KDM4C: variants seen among roughly 807,000 people sequenced by gnomAD.
KDM4C encodes the protein lysine-specific demethylase 4C.
KDM4C carries 81 observed loss-of-function variants against 129.3 expected under a neutral mutation model. The observed-to-expected ratio is 0.63, with a 90% CI of 0.52 to 0.75. The LOEUF is 0.75. KDM4C is among the 30% of genes least tolerant of loss of function. The pLI is 0.00. For missense variants in KDM4C, 1,457 were observed against 1,304.0 expected, an observed-to-expected ratio of 1.12 and a Z score of -1.81; for synonymous variants, 573 against 456.1, an observed-to-expected ratio of 1.26 and a Z score of -3.26.
At chr9:7,016,237 C>T (rs1187001793) in intron 15 of KDM4C, among the ~76,000 whole-genome samples, 1 of 151,968 alleles carries the variant, frequency 6.6e-6, no homozygotes, top group African/African-American at 2.4e-5. Flanking sequence ...ACACCATTCT[C>T]CTGCCTCAGC....
chr9:7,166,315 G>A (rs568549638), intron 20 of KDM4C, among the ~76,000 whole-genome samples: 7 of 152,316 alleles, frequency 4.6e-5, no homozygotes, highest in African/African-American at 1.2e-4. Flanking sequence ...AAGATACTGC[G>A]TCAGGACCTG....
chr9:6,820,390 G>A (rs1039798851), intron 4 of KDM4C, among the ~76,000 whole-genome samples: 1 of 152,166 alleles, frequency 6.6e-6, no homozygotes, highest in Non-Finnish European at 1.5e-5. Flanking sequence ...GAGCATAGGA[G>A]GGTGAGGAAA....
intron 3 of KDM4C, among the ~76,000 whole-genome samples, chr9:6,813,327 C>G (rs1831507256): frequency 6.6e-6 from 1 of 152,170 alleles, no homozygotes; most frequent in African/African-American, 2.4e-5. Context: ...CCATGCCCAT[C>G]CCATGCCCAT....
chr9:7,121,448 A>G (rs1210527723), intron 18 of KDM4C, among the ~76,000 whole-genome samples: 1 of 152,142 alleles, frequency 6.6e-6, no homozygotes, highest in Non-Finnish European at 1.5e-5. Context: ...TACTTCTGCT[A>G]TATTCTTTTG....
intron 12 of KDM4C, among the ~76,000 whole-genome samples, chr9:7,006,349 A>T (rs1821667009): frequency 6.6e-6 from 1 of 152,104 alleles, no homozygotes; most frequent in South Asian, 2.1e-4. Flanking sequence ...TTCCAGGCAG[A>T]CCTCTCTGAC....
In KDM4C at chr9:6,984,202, G is replaced by A. The variant is rs377720709; in HGVS notation, c.1152G>A (p.Lys384=). The A allele has an allele frequency of 2.6e-4, 421 of 1,613,766 alleles. No individual in the cohort carries two copies. The highest frequency in any genetic ancestry group is 3.2e-4 in the Non-Finnish European group (379 of 1,179,728). ...CTAGGTCTACCTCTAAAAGGCCTAA[G>A]GCTGATGAGGAAGAGGAAGTGTCAG... ...QCARSTSKRP[K]ADEEEEVSDE... is the part of the protein sequence containing the mutation. Residue 384 remains lysine (K), a synonymous_variant, in exon 10 of 22, where the codon AAG becomes AAA. Transcript: ENST00000381309.
chr9:6,827,055 C>T lies in KDM4C; in HGVS notation c.435+12310C>T, dbSNP rs559270828. On this transcript the variant is annotated intron_variant, in intron 4 of 21. Coordinates refer to ENST00000381309, the MANE Select transcript of KDM4C (RefSeq NM_015061.6). ...CACAGTCCACAGTGGGTGGCCAGAT[C>T]GCTGCTAACCTGAGAGAGTGGCACC... Among the ~76,000 whole-genome samples the T allele has an allele frequency of 9.2e-5, 14 of 152,226 alleles. No individual in the cohort carries two copies. The South Asian group carries it at 2.3e-3, about 25-fold the overall frequency.
intron 5 of KDM4C, among the ~76,000 whole-genome samples, chr9:6,870,611 G>A (rs1842696587): frequency 6.6e-6 from 1 of 151,986 alleles, no homozygotes. Flanking sequence ...CTTTTTCACT[G>A]TGTTTTTGAA....
intron 17 of KDM4C, among the ~76,000 whole-genome samples, chr9:7,053,666 A>C (rs114111025): frequency 0.016 from 2,448 of 152,348 alleles, 70 homozygotes; most frequent in African/African-American, 0.055. Context: ...AAAAACCTAA[A>C]ACATTTTAAT....
intron 20 of KDM4C, among the ~76,000 whole-genome samples, chr9:7,167,704 G>C (rs2381570): frequency 0.59 from 89,920 of 152,136 alleles, 26,727 homozygotes; most frequent in East Asian, 0.62. Context: ...TATTAAGACC[G>C]TGGTGGATGT....
Position 6,995,702 on chromosome 9 carries a change from C to T in KDM4C, c.1786+5178C>T, listed in dbSNP as rs1165880418. Reference sequence around the variant, plus strand: ...ATTTTTTTTTTTTGAGATGGCGTCTCGCACTGTCGCCCAGGCTGGAGTGCA... The same window carrying T: ...ATTTTTTTTTTTTGAGATGGCGTCTTGCACTGTCGCCCAGGCTGGAGTGCA... On this transcript the variant is annotated intron_variant, in intron 12 of 21. Coordinates refer to ENST00000381309, the MANE Select transcript of KDM4C (RefSeq NM_015061.6). 3.3e-5 allele frequency among the ~76,000 whole-genome samples: 5 copies of T among 151,764 alleles called. No individual in the cohort carries two copies. The East Asian group carries it at 5.8e-4, about 18-fold the overall frequency.
At chr9:7,149,303 G>A (rs765424194) in intron 19 of KDM4C, among the ~76,000 whole-genome samples, 1 of 152,248 alleles carries the variant, frequency 6.6e-6, no homozygotes, top group Non-Finnish European at 1.5e-5. Flanking sequence ...TGGCAACTTT[G>A]TTCCACTGCA....
chr9:7,013,642 A>T, intron 13 of KDM4C, 146 bp from the exon 14 acceptor site: 1 of 690,096 alleles, frequency 1.4e-6, no homozygotes, highest in Non-Finnish European at 2.4e-6. Context: ...TGATTTAAAA[A>T]AAACTAGTAG....
At chr9:7,005,888 T>C (rs1460202900) in intron 12 of KDM4C, among the ~76,000 whole-genome samples, 1 of 149,992 alleles carries the variant, frequency 6.7e-6, no homozygotes, top group Non-Finnish European at 1.5e-5. Context: ...TAATTTATTC[T>C]GATAGGTTGG....
At chr9:6,845,644 T>C (rs1211037878) in intron 4 of KDM4C, among the ~76,000 whole-genome samples, 1 of 152,152 alleles carries the variant, frequency 6.6e-6, no homozygotes, top group Non-Finnish European at 1.5e-5. Context: ...TTGTGAGTTG[T>C]TTCAGAAAAC....
intron 15 of KDM4C, among the ~76,000 whole-genome samples, chr9:7,027,565 C>A (rs115491293): frequency 6.6e-6 from 1 of 152,192 alleles, no homozygotes; most frequent in Non-Finnish European, 1.5e-5. Flanking sequence ...TCTCACCTAA[C>A]GCTGGCCCAC....
intron 4 of KDM4C, among the ~76,000 whole-genome samples, chr9:6,842,583 G>A (rs564361746): frequency 9.9e-5 from 15 of 152,066 alleles, no homozygotes; most frequent in East Asian, 1.9e-4. Flanking sequence ...TGATCCGTCT[G>A]CCTTGGGCTC....
chr9:6,924,087 C>T (rs1350220772), intron 8 of KDM4C, among the ~76,000 whole-genome samples: 1 of 152,134 alleles, frequency 6.6e-6, no homozygotes, highest in African/African-American at 2.4e-5. Flanking sequence ...TATGGTAATC[C>T]AGAATCCTTT....
rs180895232 is a variant in KDM4C, at chr9:7,141,191, A to T, written c.2781+12955A>T. On this transcript the variant is annotated intron_variant, in intron 19 of 21. Transcript: ENST00000381309. ...AATTGGAAAGTCCACAGGGGTGTCC[A>T]AAGAAGAGAATACAGTCATGGGTTC... 1.1e-4 allele frequency among the ~76,000 whole-genome samples: 16 copies of T among 152,366 alleles called. No individual in the cohort carries two copies. The East Asian group carries it at 3.1e-3, about 29-fold the overall frequency.
Sources: allele counts gnomAD v4.1 joint callset (sites outside exome capture counted in the v4.1 genomes callset), GRCh38; gene constraint gnomAD v4.1.1; transcripts MANE v1.5; gene names NCBI Gene and HGNC (gene_info 2026-07-23, HGNC 2026-07-21).